PIGK: variants seen among roughly 807,000 people sequenced by gnomAD.
PIGK encodes the protein phosphatidylinositol glycan anchor biosynthesis class K.
In PIGK, 42 loss-of-function variants were observed where a neutral mutation model predicts 50.6. That is an observed-to-expected ratio of 0.83 (90% CI 0.65 to 1.07). The LOEUF is 1.07. Among genes scored for constraint, PIGK ranks in the 50% least tolerant of loss-of-function variants. The pLI is 0.00. For missense variants in PIGK, 448 were observed against 488.7 expected (o/e 0.92, Z 0.78); for synonymous variants, 151 against 156.0 (o/e 0.97, Z 0.24).
intron 3 of PIGK, among the ~76,000 whole-genome samples, chr1:77,175,473 CGCT>C (rs1553184203): frequency 6.6e-6 from 1 of 151,932 alleles, no homozygotes; most frequent in Non-Finnish European, 1.5e-5. Context: ...CAAAAGTAAA[CGCT>C]GCTAAGAGTT....
At chr1:77,133,960 T>C (rs958335398) in intron 9 of PIGK, among the ~76,000 whole-genome samples, 5 of 152,206 alleles carry the variant, frequency 3.3e-5, no homozygotes, top group Admixed American at 6.5e-5. Flanking sequence ...TTAGTAACCC[T>C]TTATCAGAGG....
intron 9 of PIGK, among the ~76,000 whole-genome samples, chr1:77,150,462 C>T (rs1483011188): frequency 6.8e-6 from 1 of 146,726 alleles, no homozygotes; most frequent in Non-Finnish European, 1.5e-5. Flanking sequence ...TCCAGACTAG[C>T]TTGAGCAACA....
At chr1:77,098,035 A>G (rs955354156) in intron 10 of PIGK, among the ~76,000 whole-genome samples, 1 of 152,166 alleles carries the variant, frequency 6.6e-6, no homozygotes, top group Non-Finnish European at 1.5e-5. Context: ...AATAAAACAG[A>G]ATAGAAACTA....
At chr1:77,100,742 G>T (rs149488015) in intron 10 of PIGK, among the ~76,000 whole-genome samples, 1 of 152,174 alleles carries the variant, frequency 6.6e-6, no homozygotes, top group Non-Finnish European at 1.5e-5. Flanking sequence ...TGGAAAGATA[G>T]ATATATTCGA....
In PIGK at chr1:77,219,397, G is replaced by A; in HGVS notation, c.6C>T (p.Ala2=). ...CAGCCCGGCTGAGGCTGTCGGTGAC[G>A]GCCATGTTTACCGGCTTCAGACTTC... M[A]VTDSLSRAAT... is the part of the protein sequence containing the mutation. Residue 2 remains alanine, a synonymous_variant, in exon 1 of 11, where the codon GCC becomes GCT. Coordinates refer to ENST00000370812, the MANE Select transcript of PIGK (RefSeq NM_005482.3). 6.2e-7 allele frequency: 1 copy of A among 1,613,054 alleles called. No homozygotes were observed. Among genetic ancestry groups the A allele is most frequent in the African/African-American group, 1.3e-5 (1 of 75,014 alleles).
In PIGK at chr1:77,133,184, T is replaced by C. The variant is rs115871184; in HGVS notation, c.987-10825A>G. ...ATTTTTCTGTGTCTAACATATCTCG[T>C]ACTGTTTGTTTTTTCTGTGCTTCAG... On this transcript the variant is annotated intron_variant, in intron 9 of 10. Coordinates refer to ENST00000370812, the MANE Select transcript of PIGK (RefSeq NM_005482.3). Among the ~76,000 whole-genome samples the C allele has an allele frequency of 1.9e-3, 285 of 152,186 alleles. 1 individual carries two copies. The highest frequency in any genetic ancestry group is 6.4e-3 in the African/African-American group (264 of 41,494).
intron 6 of PIGK, 130 bp downstream of exon 6, chr1:77,163,716 T>C (rs1161135125): frequency 1.7e-6 from 1 of 595,568 alleles, no homozygotes; most frequent in South Asian, 2.1e-5. Flanking sequence ...ATAACAAATG[T>C]AAATTTAAAA....
chr1:77,206,169 C>T (rs1010074363), intron 3 of PIGK, among the ~76,000 whole-genome samples: 1 of 152,138 alleles, frequency 6.6e-6, no homozygotes, highest in Non-Finnish European at 1.5e-5. Context: ...ATTTGCAGCT[C>T]CATTATTGTC....
rs899847749 is a variant in PIGK at position 77,126,501 on chromosome 1, TA to T, written c.987-4143del. On this transcript the variant is annotated intron_variant, in intron 9 of 10. Coordinates refer to ENST00000370812, the MANE Select transcript of PIGK (RefSeq NM_005482.3). ...GTGGTGGGAGGGACAAGATTTGTCTTAAAAAAAAAATCATCTTGTTCCCATA... is the reference window on the plus strand; with the variant it reads ...GTGGTGGGAGGGACAAGATTTGTCTTAAAAAAAAATCATCTTGTTCCCATA... 2.8e-3 allele frequency among the ~76,000 whole-genome samples: 414 copies of T among 149,938 alleles called. 2 individuals are homozygous for T. Among genetic ancestry groups the T allele is most frequent in the African/African-American group, 8.6e-3 (352 of 40,972 alleles).
At chr1:77,127,989 G>A (rs1311671804) in intron 9 of PIGK, among the ~76,000 whole-genome samples, 3 of 152,102 alleles carry the variant, frequency 2.0e-5, no homozygotes, top group Admixed American at 6.5e-5. Context: ...AAGACACTCC[G>A]AGTGAAGAAA....
At chr1:77,205,435 A>G (rs945971746) in intron 3 of PIGK, among the ~76,000 whole-genome samples, 3 of 151,540 alleles carry the variant, frequency 2.0e-5, no homozygotes, top group Non-Finnish European at 4.4e-5. Context: ...TTTGTCAGTT[A>G]CTCAGACTGA....
At chr1:77,146,616 C>T (rs1570220812) in intron 9 of PIGK, among the ~76,000 whole-genome samples, 2 of 152,008 alleles carry the variant, frequency 1.3e-5, no homozygotes, top group African/African-American at 2.4e-5. Flanking sequence ...GGCAACACGG[C>T]GAAACCCCGT....
At chr1:77,150,363 A>T (rs1654868102) in intron 9 of PIGK, among the ~76,000 whole-genome samples, 1 of 151,982 alleles carries the variant, frequency 6.6e-6, no homozygotes, top group Admixed American at 6.6e-5. Context: ...TACAAAAAAT[A>T]AAAAGAAATT....
intron 1 of PIGK, among the ~76,000 whole-genome samples, chr1:77,218,465 AAG>A (rs1448022428): frequency 2.0e-5 from 3 of 152,208 alleles, no homozygotes; most frequent in African/African-American, 7.2e-5. Context: ...ATATGGGATA[AAG>A]AGATTAAGAC....
intron 1 of PIGK, 68 bp downstream of exon 1, chr1:77,219,242 G>C: frequency 1.5e-6 from 2 of 1,307,046 alleles, no homozygotes; most frequent in Non-Finnish European, 2.2e-6. Flanking sequence ...CAGCTACTGT[G>C]TATCGGACAT....
rs759424371 is a variant in PIGK, at chr1:77,092,354, T to G, written c.*20A>C. On this transcript the variant is annotated 3_prime_UTR_variant, in exon 11 of 11. Transcript: ENST00000370812. ...ATCCAAGTTTGCAGTCCTCCATGCA[T>G]TCTTCATTCATCATCAAGTCTAAAA... 9.4e-7 allele frequency: 1 copy of G among 1,060,576 alleles called. No individual in the cohort carries two copies. The allele number at this position is 1,060,576 out of a possible 1,614,324, so 65.7% of individuals were successfully genotyped here.
At chr1:77,185,241 A>G (rs543384602) in intron 3 of PIGK, among the ~76,000 whole-genome samples, 2 of 152,234 alleles carry the variant, frequency 1.3e-5, no homozygotes, top group East Asian at 3.9e-4. Flanking sequence ...GGGTATATCA[A>G]CTCTCTAGTT....
intron 3 of PIGK, among the ~76,000 whole-genome samples, chr1:77,188,624 G>A (rs1037869472): frequency 2.0e-5 from 3 of 152,136 alleles, no homozygotes; most frequent in Admixed American, 2.0e-4. Context: ...CTTGATGTCT[G>A]TCACCCACAC....
intron 3 of PIGK, among the ~76,000 whole-genome samples, chr1:77,178,476 G>C (rs570932396): frequency 6.6e-6 from 1 of 152,290 alleles, no homozygotes; most frequent in East Asian, 1.9e-4. Context: ...AACACAATTG[G>C]CTACACAGAA....
Sources: allele counts gnomAD v4.1 joint callset (sites outside exome capture counted in the v4.1 genomes callset), GRCh38; gene constraint gnomAD v4.1.1; transcripts MANE v1.5; gene names NCBI Gene and HGNC (gene_info 2026-07-23, HGNC 2026-07-21).